RAI14: variants seen among roughly 807,000 people sequenced by gnomAD.
RAI14 encodes retinoic acid induced 14, also known as ankycorbin.
In RAI14, 45 loss-of-function variants were observed where a neutral mutation model predicts 115.4. That is an observed-to-expected ratio of 0.39 (90% CI 0.31 to 0.50). RAI14 has a LOEUF of 0.50. Ranked by LOEUF, RAI14 falls within the 20% of genes least tolerant of loss-of-function variation. The pLI is 0.85. For synonymous variants in RAI14, 371 were observed against 415.4 expected, an observed-to-expected ratio of 0.89 and a Z score of 1.30; for missense variants, 939 against 1,131.2, an observed-to-expected ratio of 0.83 and a Z score of 2.44.
chr5:34,658,129 T>G (rs1333674609), intron 1 of RAI14, among the ~76,000 whole-genome samples: 1 of 152,178 alleles, frequency 6.6e-6, no homozygotes, highest in Non-Finnish European at 1.5e-5. Flanking sequence ...AATTTATTGT[T>G]TTATGGCTTT....
Position 34,823,635 on chromosome 5 carries a change from T to C in RAI14, c.1793T>C (p.Phe598Ser), listed in dbSNP as rs373859883. Residue 598 changes from phenylalanine to serine, a missense_variant, in exon 15 of 18, where the codon TTT (phenylalanine) becomes TCT (serine). Transcript: ENST00000265109. This position sits in a 1 kb window ranked among gnomAD's most constrained non-coding sequence, Gnocchi z 4.5. ...ENMNKEKAFL[F>S]EKYQEAQEEI... ...ATGAATAAGGAGAAAGCATTTTTGT[T>C]TGAGAAATACCAAGAAGCCCAAGAA... 4.3e-6 allele frequency: 7 copies of C among 1,613,784 alleles called. No homozygotes were observed. Among genetic ancestry groups the C allele is most frequent in the Non-Finnish European group, 5.9e-6 (7 of 1,179,960 alleles).
Position 34,821,802 on chromosome 5 carries a change from A to G in RAI14, c.1065A>G (p.Lys355=). The change falls in exon 14 of 18, where the codon AAA becomes AAG. Residue 355 remains lysine, a synonymous_variant. Coordinates refer to ENST00000265109, the MANE Select transcript of RAI14 (RefSeq NM_015577.3). ...ATCTTCTCTCTCTATTGCAAGCAAA[A>G]GTTGCTTCCCTTACCTTACACAATA... The part of the protein sequence containing the change: ...QQDLLSLLQA[K]VASLTLHNKE... The G allele has an allele frequency of 6.2e-7, 1 of 1,612,312 alleles. No homozygotes were observed. The highest frequency in any genetic ancestry group is 8.5e-7 in the Non-Finnish European group (1 of 1,178,832).
chr5:34,767,548 C>T (rs1008962006), intron 3 of RAI14, among the ~76,000 whole-genome samples: 3 of 152,080 alleles, frequency 2.0e-5, no homozygotes, highest in Non-Finnish European at 4.4e-5. Context: ...GCTTTCCCTG[C>T]TCAGTTCCTG....
intron 14 of RAI14, among the ~76,000 whole-genome samples, chr5:34,822,250 G>GTATGTATATATATATA (rs1554012471): frequency 1.7e-3 from 234 of 134,700 alleles, no homozygotes; most frequent in Middle Eastern, 0.016. Context: ...ATGTGTGTAT[G>GTATGTATATATATATA]TATATATATA....
At position 34,762,928 on chromosome 5, in the gene RAI14, CATGTGTGTGTGTGTGTGTGTGTGTGTGT is replaced by C. The variant is rs1415899849; in HGVS notation, c.167+5331_167+5358del. Among the ~76,000 whole-genome samples, 50 of 98,826 alleles carry C rather than the reference CATGTGTGTGTGTGTGTGTGTGTGTGTGT, an allele frequency of 5.1e-4. 1 individual carries two copies. The highest frequency in any genetic ancestry group is 2.7e-3 in the Admixed American group (26 of 9,732). 64.8% of individuals were successfully genotyped at this position (98,826 alleles called of 152,430 possible). A position where few individuals can be genotyped will look rare whatever the true frequency, so the allele number is the denominator to read the frequency against. On this transcript the variant is annotated intron_variant, in intron 3 of 17. Transcript: ENST00000265109. ...TGTGTGTAGATATAAGGAGTGTGTG[CATGTGTGTGTGTGTGTGTGTGTGTGTGT>C]GTGTGTGTGTGTGTGTGTGTATGTG...
At chr5:34,771,095 T>A (rs941476827) in intron 3 of RAI14, among the ~76,000 whole-genome samples, 1 of 151,882 alleles carries the variant, frequency 6.6e-6, no homozygotes, top group Non-Finnish European at 1.5e-5. Context: ...AAGAAGGGAG[T>A]CGTGGGTGTA....
chr5:34,792,446 G>A (rs888630011), intron 3 of RAI14, among the ~76,000 whole-genome samples: 24 of 151,994 alleles, frequency 1.6e-4, no homozygotes, highest in Non-Finnish European at 2.6e-4. Context: ...GTGTTAGCCA[G>A]GATGGTCTCG....
chr5:34,830,799 A>G lies in RAI14; in HGVS notation c.*34A>G. ...CCTTGGCAGGACACTGCCCCTTGTC[A>G]TCTGTCTTTGTGTTAGATCCAGAGT... On this transcript the variant is annotated 3_prime_UTR_variant, in exon 18 of 18. Transcript: ENST00000265109. 2 of 1,613,036 alleles carry G rather than the reference A, an allele frequency of 1.2e-6. No homozygotes were observed. The highest frequency in any genetic ancestry group is 1.7e-6 in the Non-Finnish European group (2 of 1,179,376).
intron 2 of RAI14, among the ~76,000 whole-genome samples, chr5:34,750,329 G>C (rs953976546): frequency 1.3e-5 from 2 of 152,094 alleles, no homozygotes; most frequent in Non-Finnish European, 2.9e-5. Context: ...GCTGGGTGGG[G>C]GTAGATATTT....
At chr5:34,676,697 G>T (rs1743997850) in intron 1 of RAI14, among the ~76,000 whole-genome samples, 1 of 152,150 alleles carries the variant, frequency 6.6e-6, no homozygotes, top group Non-Finnish European at 1.5e-5. Flanking sequence ...TATTCTCAAA[G>T]GAGAATGATA....
chr5:34,822,664 C>CTTTTTTTTTTTTTTT (rs143092935), intron 14 of RAI14, among the ~76,000 whole-genome samples: 2 of 47,534 alleles, frequency 4.2e-5, no homozygotes, highest in Non-Finnish European at 8.1e-5. Flanking sequence ...CCTTTGGTAT[C>CTTTTTTTTTTTTTTT]TTTTTTTTTT....
intron 13 of RAI14, 79 bp downstream of exon 13, chr5:34,818,930 G>C: frequency 2.3e-6 from 3 of 1,307,040 alleles, no homozygotes; most frequent in Non-Finnish European, 1.1e-6. Context: ...CAAAGGCCAA[G>C]CTGGGGTACT....
intron 15 of RAI14, 98 bp downstream of exon 15, chr5:34,824,589 AGTGAAT>A: frequency 1.0e-6 from 1 of 973,268 alleles, no homozygotes; most frequent in Non-Finnish European, 1.5e-6. Context: ...ACTAAACTGG[AGTGAAT>A]GCTCAGAGGC....
intron 3 of RAI14, among the ~76,000 whole-genome samples, chr5:34,778,339 C>T (rs1165017737): frequency 1.3e-5 from 2 of 152,160 alleles, no homozygotes; most frequent in Non-Finnish European, 2.9e-5. Flanking sequence ...GTTCCCCAGG[C>T]CACTCTTTAA....
At chr5:34,704,947 G>T (rs1277671751) in intron 2 of RAI14, among the ~76,000 whole-genome samples, 6 of 152,032 alleles carry the variant, frequency 3.9e-5, no homozygotes, top group Non-Finnish European at 8.8e-5. Context: ...AGCTACTAAG[G>T]AACTGAATTT....
Position 34,822,273 on chromosome 5 carries a change from T to TATATATAA in RAI14, c.1113+424_1113+425insTATATAAA, listed in dbSNP as rs1444000889. Among the ~76,000 whole-genome samples the TATATATAA allele has an allele frequency of 2.2e-4, 32 of 146,260 alleles. No homozygotes were observed. In the East Asian group the frequency reaches 2.6e-3, roughly 12 times the overall value. ...ATGTATATATATATATATATATATA[T>TATATATAA]AAAATATTATCCATTTAGTAAAGTT... is the stretch of plus-strand genomic sequence containing the variant. On this transcript the variant is annotated intron_variant, in intron 14 of 17. Transcript: ENST00000265109.
Position 34,737,280 on chromosome 5 carries a change from G to A in RAI14, c.37-20188G>A, listed in dbSNP as rs148541733. Among the ~76,000 whole-genome samples the A allele has an allele frequency of 5.1e-3, 781 of 152,318 alleles. 5 individuals carry two copies. The highest frequency in any genetic ancestry group is 7.8e-3 in the Non-Finnish European group (531 of 68,028). The stretch of plus-strand genomic sequence containing the variant: ...ATGTAGTGCAGGATGTGCTGAGGCT[G>A]AAGGTGCTGGCATTTATGCTGGGCT... On this transcript the variant is annotated intron_variant, in intron 2 of 17. Transcript: ENST00000265109.
intron 3 of RAI14, among the ~76,000 whole-genome samples, chr5:34,789,934 T>C: frequency 6.6e-6 from 1 of 152,246 alleles, no homozygotes; most frequent in East Asian, 1.9e-4. Flanking sequence ...AATATCCTGC[T>C]TCTTGTTATA....
intron 2 of RAI14, among the ~76,000 whole-genome samples, chr5:34,746,111 T>G (rs147236170): frequency 0.084 from 9,679 of 114,758 alleles, 627 homozygotes; most frequent in African/African-American, 0.14. Context: ...GCCTTTTTTT[T>G]TTTTGTTTTT....
Sources: gnomAD v4.1 joint callset for allele counts (sites outside exome capture counted in the v4.1 genomes callset) on GRCh38, gnomAD v4.1.1 for gene constraint, Gnocchi (gnomAD v3.1) non-coding constraint, MANE v1.5 for transcripts, NCBI Gene and HGNC (gene_info 2026-07-23, HGNC 2026-07-21) for gene names.